TREM1: variants seen among roughly 807,000 people sequenced by gnomAD.
The protein encoded by TREM1 is triggering receptor expressed on monocytes 1.
Under a neutral mutation model 22.4 loss-of-function variants are expected in TREM1, and 16 were observed. That is an observed-to-expected ratio of 0.71 (90% CI 0.48 to 1.08). The LOEUF is 1.08. TREM1 is among the 50% of genes least tolerant of loss of function. The pLI is 0.00. For missense variants in TREM1, 283 were observed against 282.9 expected (o/e 1.00, Z 0.00); for synonymous variants, 110 against 111.6 (o/e 0.99, Z 0.09).
intron 3 of TREM1, chr6:41,279,950 C>A: frequency 1.0e-6 from 1 of 976,978 alleles, no homozygotes; most frequent in African/African-American, 1.7e-5. Flanking sequence ...GTTATCAACA[C>A]TATATCAATG....
chr6:41,281,248 GTGGATGAGTTGA>G (rs1220387399), intron 2 of TREM1, 95 bp from the exon 3 acceptor site: 2 of 1,404,588 alleles, frequency 1.4e-6, no homozygotes, highest in Non-Finnish European at 1.9e-6. Context: ...GGATGAAAAT[GTGGATGAGTTGA>G]TGGACGGGTA....
downstream of TREM1, among the ~76,000 whole-genome samples, chr6:41,270,917 A>G (rs1037161979): frequency 7.2e-5 from 11 of 152,092 alleles, no homozygotes; most frequent in African/African-American, 2.4e-4. Flanking sequence ...TGTTGCCCAG[A>G]CTGGTCTCGA....
chr6:41,285,041 T>C (rs762193621), intron 1 of TREM1, among the ~76,000 whole-genome samples: 1 of 152,186 alleles, frequency 6.6e-6, no homozygotes, highest in African/African-American at 2.4e-5. Context: ...TGTGCTGGGC[T>C]CTTTGGAAGA....
At chr6:41,280,086 G>C in intron 3 of TREM1, 9 of 947,872 alleles carry the variant, frequency 9.5e-6, no homozygotes, top group South Asian at 4.8e-5. Context: ...GCAAGGAAAA[G>C]AATAAAAACA....
chr6:41,285,450 T>G (rs893802156), intron 1 of TREM1, among the ~76,000 whole-genome samples: 4 of 152,170 alleles, frequency 2.6e-5, no homozygotes, highest in Non-Finnish European at 5.9e-5. Flanking sequence ...CTCACCATAG[T>G]TAAGTACTAG....
At position 41,282,715 on chromosome 6, in the gene TREM1, T is replaced by C. The variant is rs1344727341; in HGVS notation, c.86A>G (p.Tyr29Cys). The C allele has an allele frequency of 6.2e-7, 1 of 1,614,112 alleles. No individual in the cohort carries two copies. The highest frequency in any genetic ancestry group is 2.2e-5 in the East Asian group (1 of 44,876). Residue 29 changes from tyrosine (Y) to cysteine (C), a missense_variant, in exon 2 of 4, where the codon TAT becomes TGT. Transcript: ENST00000244709. ...CAGGGTCTGCCCCTCTTTCAGTTCA[T>C]ACTTTTCCTCAGTTAATTTAGTTGC... The part of the protein sequence containing the change: ...RAATKLTEEK[Y>C]ELKEGQTLDV...
At chr6:41,278,735 T>C (rs4711668) in intron 3 of TREM1, among the ~76,000 whole-genome samples, 111,041 of 151,982 alleles carry the variant, frequency 0.73, 41,393 homozygotes, top group African/African-American at 0.89. Flanking sequence ...CCAGACTGGA[T>C]TTTGGCTGAA....
intron 1 of TREM1, 34 bp from the exon 2 acceptor site, chr6:41,282,785 G>T (rs1767991953): frequency 3.9e-6 from 6 of 1,551,200 alleles, no homozygotes; most frequent in African/African-American, 1.4e-5. Flanking sequence ...GTTCTGTGAG[G>T]AATTATTTTT....
downstream of TREM1, chr6:41,270,024 G>A (rs925985326): frequency 6.6e-6 from 1 of 152,234 alleles, no homozygotes; most frequent in Non-Finnish European, 1.5e-5. Flanking sequence ...CCTCCAGCAG[G>A]TACCTCCCAG....
At chr6:41,277,401 G>T (rs778518910) in intron 3 of TREM1, among the ~76,000 whole-genome samples, 10 of 152,108 alleles carry the variant, frequency 6.6e-5, no homozygotes, top group Admixed American at 3.3e-4. Flanking sequence ...AAGGGGCAGG[G>T]AGCCAGCATC....
chr6:41,270,609 A>C (rs1308644127), downstream of TREM1, among the ~76,000 whole-genome samples: 1 of 152,136 alleles, frequency 6.6e-6, no homozygotes, highest in Non-Finnish European at 1.5e-5. Flanking sequence ...AATGTTCATC[A>C]TAAAAAGGTA....
At chr6:41,270,446 A>AATATATATATAT (rs68021402), downstream of TREM1, among the ~76,000 whole-genome samples, 172 of 143,928 alleles carry the variant, frequency 1.2e-3, 3 homozygotes, top group African/African-American at 2.9e-3. Flanking sequence ...GATATTATAT[A>AATATATATATAT]ATATATATAT....
At chr6:41,271,492 T>C (rs942939291), downstream of TREM1, among the ~76,000 whole-genome samples, 30 of 152,186 alleles carry the variant, frequency 2.0e-4, no homozygotes, top group African/African-American at 6.3e-4. Flanking sequence ...TCCACAGAAG[T>C]TTTGTTTTCA....
intron 1 of TREM1, among the ~76,000 whole-genome samples, chr6:41,284,224 G>A (rs1768061422): frequency 6.6e-6 from 1 of 152,174 alleles, no homozygotes; most frequent in African/African-American, 2.4e-5. Context: ...GTTATAACCA[G>A]GGAGAGGGGT....
exon 4 of TREM1, chr6:41,268,034 G>C (rs1474762943): frequency 2.5e-6 from 1 of 398,534 alleles, no homozygotes; most frequent in African/African-American, 2.1e-5. Flanking sequence ...GCAGTGGTGG[G>C]AGAGGATGGG....
Position 41,281,027 on chromosome 6 carries a change from T to C in TREM1, c.533A>G (p.Lys178Arg), listed in dbSNP as rs1193515889. ...AGGAGTGGAGACATCGGCAGTTGAC[T>C]TGGGTGGAGCTTGGGTCACAGTTCT... ...SPRTVTQAPPKSTADVSTPDS... is the reference protein window; with the variant it reads ...SPRTVTQAPPRSTADVSTPDS... The change falls in exon 3 of 4, where the codon AAG becomes AGG. Residue 178 changes from lysine to arginine, a missense_variant. By Grantham distance (26) the Lys-to-Arg change is conservative. Transcript: ENST00000244709. 4 of 1,614,234 alleles carry C rather than the reference T, an allele frequency of 2.5e-6. No individual in the cohort carries two copies. In the East Asian group the frequency reaches 8.9e-5, roughly 36 times the overall value.
intron 1 of TREM1, among the ~76,000 whole-genome samples, chr6:41,284,375 A>G (rs758214978): frequency 1.3e-5 from 2 of 152,202 alleles, no homozygotes; most frequent in Non-Finnish European, 1.5e-5. Flanking sequence ...AATAGTTTCC[A>G]TCACATTCTT....
rs78424177 is a variant in TREM1 at position 41,279,371 on chromosome 6, T to C, written c.599+1590A>G. On this transcript the variant is annotated intron_variant, in intron 3 of 3. Transcript: ENST00000244709. ...TGCTTTCACTGCTTCATTCCTTTGT[T>C]ACTTTGTGCGTCTTCTCCAATACTT... Among the ~76,000 whole-genome samples, 272 of 152,374 alleles carry C rather than the reference T, an allele frequency of 1.8e-3. 6 individuals are homozygous for C. In the East Asian group the frequency reaches 0.05, roughly 28 times the overall value.
At chr6:41,276,287 T>A in intron 3 of TREM1, 57 bp from the exon 4 acceptor site, 1 of 1,321,506 alleles carries the variant, frequency 7.6e-7, no homozygotes, top group Non-Finnish European at 1.1e-6. Flanking sequence ...CACACGCACA[T>A]GTTCCCTCTA....
Sources: allele counts gnomAD v4.1 joint callset (sites outside exome capture counted in the v4.1 genomes callset), GRCh38; gene constraint gnomAD v4.1.1; transcripts MANE v1.5; gene names NCBI Gene and HGNC (gene_info 2026-07-23, HGNC 2026-07-21).